ATP6V0E1: variants seen among roughly 807,000 people sequenced by gnomAD.
ATP6V0E1 encodes V-type proton ATPase subunit e 1.
ATP6V0E1 carries 4 observed loss-of-function variants against 11.6 expected under a neutral mutation model. The ratio of observed to expected loss-of-function variants is 0.35; its 90% confidence interval spans 0.17 to 0.79. The LOEUF is 0.79. ATP6V0E1 is among the 30% of genes least tolerant of loss of function. The pLI, the probability that ATP6V0E1 is intolerant of heterozygous loss-of-function variation, is 0.54. For missense variants in ATP6V0E1, 105 were observed against 100.0 expected (o/e 1.05, Z -0.21); for synonymous variants, 36 against 34.8 (o/e 1.04, Z -0.13).
At chr5:172,992,551 G>A (rs750298836) in intron 1 of ATP6V0E1, among the ~76,000 whole-genome samples, 2 of 151,956 alleles carry the variant, frequency 1.3e-5, no homozygotes, top group Non-Finnish European at 2.9e-5. Context: ...CCGTCACCTT[G>A]TTCAGGTCTG....
intron 2 of ATP6V0E1, among the ~76,000 whole-genome samples, chr5:172,997,211 C>T (rs190174361): frequency 4.3e-4 from 65 of 152,254 alleles, no homozygotes; most frequent in African/African-American, 1.5e-3. Flanking sequence ...ATTCTCCACA[C>T]CAGAAGGTAG....
intron 2 of ATP6V0E1, among the ~76,000 whole-genome samples, chr5:173,004,140 G>A (rs1756195781): frequency 6.7e-6 from 1 of 150,222 alleles, no homozygotes; most frequent in African/African-American, 2.5e-5. Flanking sequence ...ATGAGGAAGA[G>A]TCAGAAAAGG....
At chr5:173,005,968 C>A (rs1756223099) in intron 2 of ATP6V0E1, among the ~76,000 whole-genome samples, 1 of 152,298 alleles carries the variant, frequency 6.6e-6, no homozygotes, top group East Asian at 1.9e-4. Context: ...AAGATATACT[C>A]TCTAAGATTT....
intron 2 of ATP6V0E1, among the ~76,000 whole-genome samples, chr5:173,005,703 G>C (rs1257711151): frequency 6.6e-6 from 1 of 151,768 alleles, no homozygotes; most frequent in Non-Finnish European, 1.5e-5. Flanking sequence ...TCTTACTTTG[G>C]ATTTAATTTC....
intron 2 of ATP6V0E1, among the ~76,000 whole-genome samples, chr5:173,008,489 T>TG (rs1403406786): frequency 6.6e-6 from 1 of 150,492 alleles, no homozygotes; most frequent in Non-Finnish European, 1.5e-5. Flanking sequence ...TTAATAGAGA[T>TG]GGGGTTTCAC....
chr5:173,001,598 C>A (rs1370792254), intron 2 of ATP6V0E1, among the ~76,000 whole-genome samples: 1 of 152,194 alleles, frequency 6.6e-6, no homozygotes, highest in Admixed American at 6.6e-5. Context: ...TGGTTTCCAA[C>A]CAAGTAACCA....
chr5:172,984,024 G>T (rs1755844501), intron 1 of ATP6V0E1, 60 bp downstream of exon 1: 1 of 1,532,434 alleles, frequency 6.5e-7, no homozygotes. Flanking sequence ...AGGCCGGGGC[G>T]GGGAAAGGCA....
chr5:172,993,059 A>T (rs1457030535), intron 1 of ATP6V0E1, among the ~76,000 whole-genome samples: 2 of 151,972 alleles, frequency 1.3e-5, no homozygotes, highest in Admixed American at 1.3e-4. Flanking sequence ...CGGCCTCCTA[A>T]AGTGCTGGGA....
chr5:172,992,442 A>C (rs1476567344), intron 1 of ATP6V0E1, among the ~76,000 whole-genome samples: 1 of 151,958 alleles, frequency 6.6e-6, no homozygotes, highest in Non-Finnish European at 1.5e-5. Context: ...ACCTTTCCCC[A>C]GGCTCCTTGC....
chr5:173,013,593 A>G (rs909732193), intron 2 of ATP6V0E1, among the ~76,000 whole-genome samples: 124 of 150,760 alleles, frequency 8.2e-4, no homozygotes, highest in Admixed American at 1.2e-3. Flanking sequence ...AAAAAAAAAA[A>G]AGAGACAACT....
chr5:172,997,134 C>A (rs1418318040), intron 2 of ATP6V0E1, among the ~76,000 whole-genome samples: 3 of 152,014 alleles, frequency 2.0e-5, no homozygotes, highest in Non-Finnish European at 4.4e-5. Flanking sequence ...AAGAAAAATT[C>A]TATTCCTTTA....
At position 173,001,634 on chromosome 5, in the gene ATP6V0E1, G is replaced by A. The variant is rs979576161; in HGVS notation, c.152+6812G>A. On this transcript the variant is annotated intron_variant, in intron 2 of 3. Coordinates refer to ENST00000519374, the MANE Select transcript of ATP6V0E1 (RefSeq NM_003945.4). Reference sequence around the variant, plus strand: ...CACGTGGTGGCTCACGCCTGTAATCGCAGCACTTTGGCTGATTGGTTTCAG... The same window carrying A: ...CACGTGGTGGCTCACGCCTGTAATCACAGCACTTTGGCTGATTGGTTTCAG... Among the ~76,000 whole-genome samples the A allele has an allele frequency of 2.6e-5, 4 of 152,098 alleles. No homozygotes were observed. In the East Asian group the frequency reaches 7.7e-4, roughly 29 times the overall value.
Position 173,020,280 on chromosome 5 carries a change from A to G in ATP6V0E1, c.195A>G (p.Gly65=). 1.2e-6 allele frequency: 2 copies of G among 1,613,968 alleles called. No individual in the cohort carries two copies. The highest frequency in any genetic ancestry group is 1.1e-5 in the South Asian group (1 of 91,078). The stretch of plus-strand genomic sequence containing the variant: ...TGGCCCAACTCAACCCTCTCTTTGG[A>G]CCGCAATTGAAAAATGAAACCATCT... ...AILAQLNPLF[G]PQLKNETIWY... The change falls in exon 3 of 4, where the codon GGA becomes GGG. Residue 65 remains glycine, a synonymous_variant. Transcript: ENST00000519374.
At chr5:173,023,952 C>T (rs756038226) in intron 3 of ATP6V0E1, among the ~76,000 whole-genome samples, 1 of 152,090 alleles carries the variant, frequency 6.6e-6, no homozygotes, top group Non-Finnish European at 1.5e-5. Context: ...AATCCCAGCA[C>T]TTTGGGAGGC....
At chr5:173,019,315 G>A (rs967897288) in intron 2 of ATP6V0E1, among the ~76,000 whole-genome samples, 1 of 152,134 alleles carries the variant, frequency 6.6e-6, no homozygotes, top group African/African-American at 2.4e-5. Context: ...CAGCACTTTG[G>A]GAGGCCGAGG....
At chr5:172,993,974 G>A (rs1487057809) in intron 1 of ATP6V0E1, among the ~76,000 whole-genome samples, 1 of 152,150 alleles carries the variant, frequency 6.6e-6, no homozygotes, top group African/African-American at 2.4e-5. Context: ...GATGATGGAG[G>A]GGGGACATCA....
At chr5:173,009,938 A>G (rs1050871392) in intron 2 of ATP6V0E1, among the ~76,000 whole-genome samples, 3 of 149,892 alleles carry the variant, frequency 2.0e-5, no homozygotes, top group Non-Finnish European at 4.4e-5. Context: ...CAATTTTTGT[A>G]TTTTTAGTAG....
chr5:172,985,936 T>C (rs1396804164), intron 1 of ATP6V0E1, among the ~76,000 whole-genome samples: 1 of 152,238 alleles, frequency 6.6e-6, no homozygotes, highest in Non-Finnish European at 1.5e-5. Flanking sequence ...ACCTGTTGCC[T>C]CTAGGTAGGC....
chr5:173,011,925 G>A (rs1208520464), intron 2 of ATP6V0E1, among the ~76,000 whole-genome samples: 6 of 152,056 alleles, frequency 3.9e-5, no homozygotes, highest in Non-Finnish European at 8.8e-5. Context: ...CAGCTTTAAA[G>A]GGAAATTTTA....
Sources: allele counts gnomAD v4.1 joint callset (sites outside exome capture counted in the v4.1 genomes callset), GRCh38; gene constraint gnomAD v4.1.1; transcripts MANE v1.5; gene names NCBI Gene and HGNC (gene_info 2026-07-23, HGNC 2026-07-21).